The following CSMD1 variants were observed in gnomAD, a reference collection of about 807,000 sequenced individuals.
CSMD1 encodes the protein CUB and sushi domain-containing protein 1.
CSMD1 carries 213 observed loss-of-function variants against 417.5 expected under a neutral mutation model. That is an observed-to-expected ratio of 0.51 (90% CI 0.46 to 0.57). The LOEUF (loss-of-function observed/expected upper bound fraction) is 0.57, where lower values mean the gene tolerates loss of function less well. CSMD1 is among the 20% of genes least tolerant of loss of function. The pLI, the probability that CSMD1 is intolerant of heterozygous loss-of-function variation, is 0.00. For synonymous variants in CSMD1, 2,862 were observed against 1,736.8 expected (o/e 1.65, Z -16.11); for missense variants, 6,923 against 4,529.7 (o/e 1.53, Z -15.17).
intron 1 of CSMD1, among the ~76,000 whole-genome samples, chr8:4,940,126 C>T (rs952580743): frequency 6.6e-6 from 1 of 152,012 alleles, no homozygotes; most frequent in Non-Finnish European, 1.5e-5. Flanking sequence ...TCTTGGCTCC[C>T]CCTGTGAGAG....
At position 4,434,709 on chromosome 8, in the gene CSMD1, T is replaced by A. The variant is rs139224940; in HGVS notation, c.303-14644A>T. On this transcript the variant is annotated intron_variant, in intron 2 of 69. Transcript: ENST00000635120. ...GAACAAAGAGTAACAAATGTTTTCA[T>A]GCCCCTGACAGTGCTCATCCGGTGA... 2.0e-5 allele frequency among the ~76,000 whole-genome samples: 3 copies of A among 152,300 alleles called. No homozygotes were observed. In the East Asian group the frequency reaches 5.8e-4, roughly 29 times the overall value.
chr8:4,438,746 C>G lies in CSMD1; in HGVS notation c.303-18681G>C, dbSNP rs564371093. On this transcript the variant is annotated intron_variant, in intron 2 of 69. Transcript: ENST00000635120. Reference sequence around the variant, plus strand: ...GCAGTTACCTGCAAATATTTGGTTACAAATGAGTCCAAACCATGTGCCCTG... The same window carrying G: ...GCAGTTACCTGCAAATATTTGGTTAGAAATGAGTCCAAACCATGTGCCCTG... Among the ~76,000 whole-genome samples, 29 of 152,328 alleles carry G rather than the reference C, an allele frequency of 1.9e-4. No homozygotes were observed. In the South Asian group the frequency reaches 3.1e-3, roughly 16 times the overall value.
chr8:4,234,500 C>T (rs983049935), intron 3 of CSMD1, among the ~76,000 whole-genome samples: 1 of 152,140 alleles, frequency 6.6e-6, no homozygotes, highest in Admixed American at 6.6e-5. Flanking sequence ...GGTCTGAATT[C>T]AGCAGTCTAC....
chr8:4,294,515 C>G (rs1797557712), intron 3 of CSMD1, among the ~76,000 whole-genome samples: 1 of 152,080 alleles, frequency 6.6e-6, no homozygotes. Context: ...GCCATGAGTT[C>G]CTCCACTTTG....
chr8:4,925,606 G>C (rs926423424), intron 1 of CSMD1, among the ~76,000 whole-genome samples: 2 of 151,248 alleles, frequency 1.3e-5, no homozygotes, highest in Non-Finnish European at 2.9e-5. Flanking sequence ...GAGTGCAGTG[G>C]TGCAGTCTCG....
chr8:3,425,235 C>A (rs1232262590), intron 12 of CSMD1, among the ~76,000 whole-genome samples: 6 of 152,184 alleles, frequency 3.9e-5, no homozygotes, highest in Non-Finnish European at 7.3e-5. Context: ...TGGTTTCAGG[C>A]ATCCACTGGG....
intron 7 of CSMD1, among the ~76,000 whole-genome samples, chr8:3,661,850 C>G (rs759518262): frequency 6.6e-6 from 1 of 152,078 alleles, no homozygotes; most frequent in African/African-American, 2.4e-5. Context: ...ACAAGCCACC[C>G]TTTAGATCGG....
chr8:4,831,258 G>T (rs186498750), intron 1 of CSMD1, among the ~76,000 whole-genome samples: 37 of 152,272 alleles, frequency 2.4e-4, no homozygotes, highest in Non-Finnish European at 3.8e-4. Flanking sequence ...GCATATTGTA[G>T]GTTTGACTGG....
chr8:4,103,819 G>C (rs945003219), intron 3 of CSMD1, among the ~76,000 whole-genome samples: 1 of 152,160 alleles, frequency 6.6e-6, no homozygotes, highest in Non-Finnish European at 1.5e-5. Flanking sequence ...TTCCATGACA[G>C]CCTCTTCATA....
Position 2,965,516 on chromosome 8 carries a change from C to T in CSMD1, c.9280+259G>A, listed in dbSNP as rs143527682. ...GACACAGACTCTAGGGTGGCGTGAC[C>T]GTCACTGAACCCCGACATCTCCAGT... On this transcript the variant is annotated intron_variant, in intron 59 of 69. Transcript: ENST00000635120. Among the ~76,000 whole-genome samples, 226 of 152,232 alleles carry T rather than the reference C, an allele frequency of 1.5e-3. 1 individual carries two copies. Among genetic ancestry groups the T allele is most frequent in the African/African-American group, 4.8e-3 (201 of 41,536 alleles).
At chr8:3,486,112 A>C (rs1260016239) in intron 11 of CSMD1, among the ~76,000 whole-genome samples, 1 of 152,190 alleles carries the variant, frequency 6.6e-6, no homozygotes, top group Non-Finnish European at 1.5e-5. Context: ...ATGACAGTTC[A>C]ATCTCCTCTT....
intron 3 of CSMD1, among the ~76,000 whole-genome samples, chr8:4,086,804 C>T (rs1195887355): frequency 6.6e-6 from 1 of 152,152 alleles, no homozygotes; most frequent in Non-Finnish European, 1.5e-5. Flanking sequence ...AAACAAATTT[C>T]TTAGTCTGAG....
At chr8:3,006,196 C>T (rs1251735568) in intron 52 of CSMD1, among the ~76,000 whole-genome samples, 1 of 151,620 alleles carries the variant, frequency 6.6e-6, no homozygotes, top group African/African-American at 2.4e-5. Flanking sequence ...AATAAAATAC[C>T]TAGGAATCCA....
chr8:3,667,972 G>C (rs946313540), intron 7 of CSMD1, among the ~76,000 whole-genome samples: 1 of 152,140 alleles, frequency 6.6e-6, no homozygotes, highest in African/African-American at 2.4e-5. Flanking sequence ...CTTTCTAACA[G>C]AGCCCCAATC....
At chr8:3,760,911 C>G (rs543080027) in intron 5 of CSMD1, among the ~76,000 whole-genome samples, 10 of 151,836 alleles carry the variant, frequency 6.6e-5, no homozygotes, top group Admixed American at 5.2e-4. Context: ...TTGGAGGAGA[C>G]CAGTTTTGTG....
chr8:3,681,838 C>T (rs894980892), intron 7 of CSMD1, among the ~76,000 whole-genome samples: 1 of 152,272 alleles, frequency 6.6e-6, no homozygotes, highest in Admixed American at 6.5e-5. Flanking sequence ...GGTACCAAAA[C>T]AGAGATATAG....
chr8:4,419,277 AAGT>A (rs1272356361), intron 3 of CSMD1, among the ~76,000 whole-genome samples: 2 of 152,160 alleles, frequency 1.3e-5, no homozygotes, highest in African/African-American at 4.8e-5. Flanking sequence ...TCCAAAACAA[AAGT>A]AGACACACAT....
intron 25 of CSMD1, among the ~76,000 whole-genome samples, chr8:3,288,628 G>T (rs1468677291): frequency 6.8e-6 from 1 of 147,156 alleles, no homozygotes; most frequent in Non-Finnish European, 1.5e-5. Context: ...TTGTATTTCT[G>T]TGGGATGGGT....
At chr8:3,477,858 G>C (rs1817519960) in intron 11 of CSMD1, among the ~76,000 whole-genome samples, 2 of 152,132 alleles carry the variant, frequency 1.3e-5, no homozygotes. Flanking sequence ...CAGATTCCAT[G>C]TTTATTTATA....
Sources: allele counts gnomAD v4.1 joint callset (sites outside exome capture counted in the v4.1 genomes callset), GRCh38; gene constraint gnomAD v4.1.1; transcripts MANE v1.5; gene names NCBI Gene and HGNC (gene_info 2026-07-23, HGNC 2026-07-21).